The following NAALAD2 variants were observed in gnomAD, a reference collection of about 807,000 sequenced individuals.
The protein encoded by NAALAD2 is N-acetylated-alpha-linked acidic dipeptidase 2.
In NAALAD2, 89 loss-of-function variants were observed where a neutral mutation model predicts 95.6. That is an observed-to-expected ratio of 0.93 (90% CI 0.78 to 1.11). NAALAD2 has a LOEUF of 1.11. NAALAD2 is among the 50% of genes least tolerant of loss of function. The pLI is 0.00. For synonymous variants in NAALAD2, 264 were observed against 294.4 expected (o/e 0.90, Z 1.06); for missense variants, 894 against 872.4 (o/e 1.02, Z -0.31).
intron 14 of NAALAD2, among the ~76,000 whole-genome samples, chr11:90,175,413 A>T (rs546938477): frequency 6.6e-6 from 1 of 152,178 alleles, no homozygotes; most frequent in Non-Finnish European, 1.5e-5. Flanking sequence ...AAAAATTTTC[A>T]TGTCTTACAT....
intron 11 of NAALAD2, among the ~76,000 whole-genome samples, chr11:90,166,318 TATGA>T (rs763057339): frequency 2.0e-4 from 31 of 151,916 alleles, no homozygotes; most frequent in African/African-American, 5.6e-4. Context: ...TGTGTATGTG[TATGA>T]GAGAGAGAGA....
Position 90,159,352 on chromosome 11 carries a change from CT to C in NAALAD2, c.989+18del. On this transcript the variant is annotated intron_variant, in intron 8 of 18. Coordinates refer to ENST00000534061, the MANE Select transcript of NAALAD2 (RefSeq NM_005467.4). ...GATTCTTTCAGGTAATTTTGCATTACTTTAATAGTCTGAAAAAGTTTTATAT... is the reference window on the plus strand; with the variant it reads ...GATTCTTTCAGGTAATTTTGCATTACTTAATAGTCTGAAAAAGTTTTATAT... 1 of 1,565,146 alleles carries C rather than the reference CT, an allele frequency of 6.4e-7. No homozygotes were observed. The highest frequency in any genetic ancestry group is 1.1e-5 in the South Asian group (1 of 88,902).
At chr11:90,146,427 C>T (rs1395795413) in intron 2 of NAALAD2, among the ~76,000 whole-genome samples, 2 of 121,532 alleles carry the variant, frequency 1.6e-5, no homozygotes, top group Non-Finnish European at 3.2e-5. Flanking sequence ...GGCATGATCT[C>T]GGCTCACTGC....
rs1857343278 is a variant in NAALAD2 at position 90,192,028 on chromosome 11, TGTGA to T, written c.*285_*288del. ...GCAAGGAACATGAATTCTCAGACAT[TGTGA>T]GTGTGGGAATGTAAAATGGTAAAAT... On this transcript the variant is annotated 3_prime_UTR_variant, in exon 19 of 19. Transcript: ENST00000534061. 1 of 201,256 alleles carries T rather than the reference TGTGA, an allele frequency of 5.0e-6. No homozygotes were observed. Among genetic ancestry groups the T allele is most frequent in the Non-Finnish European group, 9.9e-6 (1 of 100,910 alleles). The allele number at this position is 201,256 out of a possible 1,614,324, so 12.5% of individuals were successfully genotyped here.
At chr11:90,146,966 G>A (rs1345881682) in intron 2 of NAALAD2, among the ~76,000 whole-genome samples, 1 of 152,086 alleles carries the variant, frequency 6.6e-6, no homozygotes, top group East Asian at 1.9e-4. Flanking sequence ...CCTGCGAGAG[G>A]TTAAGATCTA....
chr11:90,149,406 G>GT (rs888725915), intron 4 of NAALAD2, among the ~76,000 whole-genome samples: 18 of 152,140 alleles, frequency 1.2e-4, no homozygotes, highest in African/African-American at 3.4e-4. Flanking sequence ...GGCAGTAGGT[G>GT]TTTTTTTGTT....
At chr11:90,131,757 G>C (rs1010829487), upstream of NAALAD2, 1 of 152,174 alleles carries the variant, frequency 6.6e-6, no homozygotes, top group African/African-American at 2.4e-5. Context: ...CTTCTGCTAT[G>C]ATGGAGAAGA....
At chr11:90,154,769 A>T (rs2134880077) in intron 6 of NAALAD2, among the ~76,000 whole-genome samples, 1 of 149,744 alleles carries the variant, frequency 6.7e-6, no homozygotes, top group South Asian at 2.1e-4. Context: ...TTTTATGTAG[A>T]ACTGTTTTTC....
chr11:90,163,576 G>A lies in NAALAD2; in HGVS notation c.1237G>A (p.Ala413Thr), dbSNP rs770246612. ...RRTIIFASWD[A>T]EEFGLLGSTE... Reference sequence around the variant, plus strand: ...AACTATCATTTTTGCCAGCTGGGATGCAGAAGAATTTGGACTTCTGGGTTC... The same window carrying A: ...AACTATCATTTTTGCCAGCTGGGATACAGAAGAATTTGGACTTCTGGGTTC... Residue 413 changes from alanine to threonine, a missense_variant, in exon 11 of 19, where the codon GCA becomes ACA. Physicochemically the swap from Ala to Thr is moderately conservative, Grantham distance 58. Coordinates refer to ENST00000534061, the MANE Select transcript of NAALAD2 (RefSeq NM_005467.4). 1 of 1,614,116 alleles carries A rather than the reference G, an allele frequency of 6.2e-7. No homozygotes were observed. The highest frequency in any genetic ancestry group is 8.5e-7 in the Non-Finnish European group (1 of 1,179,976).
At chr11:90,151,171 C>T (rs964678124) in intron 5 of NAALAD2, among the ~76,000 whole-genome samples, 1 of 152,102 alleles carries the variant, frequency 6.6e-6, no homozygotes, top group African/African-American at 2.4e-5. Flanking sequence ...CTTTCTAGAT[C>T]TTTTACTGTG....
chr11:90,174,286 G>A (rs1454589843), intron 14 of NAALAD2, among the ~76,000 whole-genome samples: 3 of 151,604 alleles, frequency 2.0e-5, no homozygotes, highest in Admixed American at 1.3e-4. Flanking sequence ...AGCCGAGATC[G>A]TGCCATTGCA....
intron 11 of NAALAD2, among the ~76,000 whole-genome samples, chr11:90,166,888 G>A (rs1331498359): frequency 6.6e-6 from 1 of 151,990 alleles, no homozygotes; most frequent in African/African-American, 2.4e-5. Context: ...GGTGGCTCAT[G>A]CCTGTAATCT....
In NAALAD2 at chr11:90,192,670, T is replaced by C. The variant is rs1418929613; in HGVS notation, c.*923T>C. On this transcript the variant is annotated 3_prime_UTR_variant, in exon 19 of 19. Coordinates refer to ENST00000534061, the MANE Select transcript of NAALAD2 (RefSeq NM_005467.4). ...TTGTGAAATCACCATGAAGTGTGAA[T>C]GGTCAGGAAAAAGCCAGTAATATTC... 2 of 152,002 alleles carry C rather than the reference T, an allele frequency of 1.3e-5. No individual in the cohort carries two copies. Among genetic ancestry groups the C allele is most frequent in the East Asian group, 3.8e-4 (2 of 5,200 alleles). 9.4% of individuals were successfully genotyped at this position (152,002 alleles called of 1,614,324 possible). A position where few individuals can be genotyped will look rare whatever the true frequency, so the allele number is the denominator to read the frequency against.
chr11:90,184,926 A>G (rs1035313387), intron 18 of NAALAD2, among the ~76,000 whole-genome samples: 2 of 152,172 alleles, frequency 1.3e-5, no homozygotes, highest in Admixed American at 1.3e-4. Context: ...ATTATTCCCT[A>G]AATACAGTAA....
At chr11:90,171,553 G>A (rs1054749941) in intron 13 of NAALAD2, among the ~76,000 whole-genome samples, 13 of 152,176 alleles carry the variant, frequency 8.5e-5, no homozygotes, top group African/African-American at 2.7e-4. Flanking sequence ...TTGATGTCAG[G>A]AATGATAAGA....
intron 13 of NAALAD2, among the ~76,000 whole-genome samples, chr11:90,172,288 T>C (rs1247343634): frequency 2.0e-5 from 3 of 152,158 alleles, no homozygotes; most frequent in Non-Finnish European, 1.5e-5. Flanking sequence ...TTCTAAGCTG[T>C]GGACCCTCTA....
At chr11:90,162,874 A>T (rs1481551067) in intron 8 of NAALAD2, 75 bp from the exon 9 acceptor site, 1 of 829,648 alleles carries the variant, frequency 1.2e-6, no homozygotes, top group Non-Finnish European at 1.9e-6. Context: ...TATTATGAAA[A>T]TAGTTTTTTA....
intron 8 of NAALAD2, among the ~76,000 whole-genome samples, chr11:90,161,796 G>A (rs1952306249): frequency 6.6e-6 from 1 of 151,496 alleles, no homozygotes; most frequent in African/African-American, 2.4e-5. Flanking sequence ...ATGAATTTGG[G>A]TTTCTTACTA....
intron 15 of NAALAD2, among the ~76,000 whole-genome samples, chr11:90,177,583 C>CTTTTT (rs1565543926): frequency 1.5e-4 from 3 of 19,408 alleles, no homozygotes; most frequent in East Asian, 1.3e-3. Context: ...TTTTCTTTTT[C>CTTTTT]TTGTTTTTTT....
Sources: gnomAD v4.1 joint callset for allele counts (sites outside exome capture counted in the v4.1 genomes callset) on GRCh38, gnomAD v4.1.1 for gene constraint, MANE v1.5 for transcripts, NCBI Gene and HGNC (gene_info 2026-07-23, HGNC 2026-07-21) for gene names.